DNAJC27: variants seen among roughly 807,000 people sequenced by gnomAD.
DNAJC27 encodes the protein dnaJ homolog subfamily C member 27.
In DNAJC27, 25 loss-of-function variants were observed where a neutral mutation model predicts 31.4. That is an observed-to-expected ratio of 0.80 (90% CI 0.58 to 1.11). The LOEUF (loss-of-function observed/expected upper bound fraction) is 1.11. DNAJC27 is among the 50% of genes most tolerant of loss of function. The pLI, the probability that DNAJC27 is intolerant of heterozygous loss-of-function variation, is 0.00. For missense variants in DNAJC27, 356 were observed against 347.3 expected, an observed-to-expected ratio of 1.02 and a Z score of -0.20; for synonymous variants, 106 against 112.7, an observed-to-expected ratio of 0.94 and a Z score of 0.37.
intron 2 of DNAJC27, 117 bp from the exon 3 acceptor site, chr2:24,963,591 C>A: frequency 1.4e-6 from 1 of 706,234 alleles, no homozygotes; most frequent in Non-Finnish European, 2.3e-6. Flanking sequence ...TTTCTTAGTG[C>A]CTCTTCCTCA....
At chr2:24,955,148 A>C (rs1665874524) in intron 5 of DNAJC27, among the ~76,000 whole-genome samples, 2 of 152,232 alleles carry the variant, frequency 1.3e-5, no homozygotes, top group South Asian at 4.1e-4. Flanking sequence ...AAGACTGTAA[A>C]ACAGCTATTA....
intron 1 of DNAJC27, chr2:24,971,554 A>C: frequency 3.2e-6 from 1 of 315,564 alleles, no homozygotes; most frequent in Non-Finnish European, 5.9e-6. Flanking sequence ...AGGCCTTCTT[A>C]CTCTTTTGGG....
chr2:24,956,054 T>C (rs1665896820), intron 5 of DNAJC27, among the ~76,000 whole-genome samples: 1 of 152,214 alleles, frequency 6.6e-6, no homozygotes, highest in Non-Finnish European at 1.5e-5. Flanking sequence ...TCAACTTTAT[T>C]TGATCTTGAA....
At chr2:24,963,169 TG>T (rs1666090973) in intron 3 of DNAJC27, 1 of 426,888 alleles carries the variant, frequency 2.3e-6, no homozygotes, top group Non-Finnish European at 4.2e-6. Context: ...AAAGTCAAAA[TG>T]TCTTATTGAA....
intron 1 of DNAJC27, 191 bp downstream of exon 1, chr2:24,971,627 G>A: frequency 2.0e-6 from 1 of 500,378 alleles, no homozygotes; most frequent in East Asian, 3.5e-5. Context: ...GTCGGAGGAC[G>A]AGGGGGCAAC....
rs1436469269 is a variant in DNAJC27, at chr2:24,971,884, C to T, written c.21G>A (p.Lys7=). The T allele has an allele frequency of 1.2e-6, 2 of 1,605,988 alleles. No homozygotes were observed. The highest frequency in any genetic ancestry group is 1.7e-5 in the Admixed American group (1 of 59,130). Residue 7 remains lysine (K), a synonymous_variant, in exon 1 of 7, where the codon AAG becomes AAA. Transcript: ENST00000264711. The part of the protein sequence containing the change: MEANMP[K]RKEPGRSLRI... The stretch of plus-strand genomic sequence containing the variant: ...GGAGAGACCTGCCGGGCTCCTTCCG[C>T]TTCGGCATGTTGGCCTCCATGGCCC...
At chr2:24,957,544 T>C (rs750395896) in intron 4 of DNAJC27, among the ~76,000 whole-genome samples, 4 of 152,056 alleles carry the variant, frequency 2.6e-5, no homozygotes, top group Non-Finnish European at 5.9e-5. Flanking sequence ...GGTCAGAGTC[T>C]GATTATTAGG....
At chr2:24,956,538 T>A (rs1242562669) in intron 5 of DNAJC27, among the ~76,000 whole-genome samples, 1 of 152,196 alleles carries the variant, frequency 6.6e-6, no homozygotes, top group African/African-American at 2.4e-5. Context: ...GGCTACAATA[T>A]AGGATTATAC....
At chr2:24,962,521 G>A (rs935419763) in intron 3 of DNAJC27, among the ~76,000 whole-genome samples, 9 of 152,268 alleles carry the variant, frequency 5.9e-5, no homozygotes, top group Admixed American at 5.9e-4. Flanking sequence ...CTCCCAAAGT[G>A]CTGGGATTAC....
At chr2:24,958,763 G>A (rs11688776) in intron 3 of DNAJC27, among the ~76,000 whole-genome samples, 1 of 152,238 alleles carries the variant, frequency 6.6e-6, no homozygotes, top group East Asian at 1.9e-4. Flanking sequence ...TCCAAATGTG[G>A]GAAGAGGCAG....
chr2:24,961,231 C>G (rs944602308), intron 3 of DNAJC27, among the ~76,000 whole-genome samples: 1 of 152,178 alleles, frequency 6.6e-6, no homozygotes, highest in African/African-American at 2.4e-5. Flanking sequence ...TGGATGACAG[C>G]AGATCTGTTT....
intron 2 of DNAJC27, among the ~76,000 whole-genome samples, chr2:24,966,014 C>A (rs1469010460): frequency 3.3e-5 from 5 of 152,022 alleles, no homozygotes; most frequent in African/African-American, 1.2e-4. Context: ...CAAATAATAA[C>A]AATACAAGGC....
intron 5 of DNAJC27, 24 bp from the exon 6 acceptor site, chr2:24,951,578 G>A (rs368791973): frequency 1.3e-6 from 2 of 1,575,392 alleles, no homozygotes; most frequent in African/African-American, 2.7e-5. Flanking sequence ...ACATAACCCA[G>A]GGTAGAAATG....
At chr2:24,965,017 C>A (rs1248625162) in intron 2 of DNAJC27, among the ~76,000 whole-genome samples, 1 of 151,948 alleles carries the variant, frequency 6.6e-6, no homozygotes, top group Non-Finnish European at 1.5e-5. Context: ...ACCAGCCTGG[C>A]CAACATGGTG....
intron 4 of DNAJC27, 103 bp downstream of exon 4, chr2:24,957,707 C>T (rs945821284): frequency 9.1e-7 from 1 of 1,102,188 alleles, no homozygotes; most frequent in Admixed American, 2.3e-5. Flanking sequence ...TTATTGATTT[C>T]CATATTACAC....
At chr2:24,948,944 C>T (rs1420135121) in intron 6 of DNAJC27, among the ~76,000 whole-genome samples, 1 of 152,200 alleles carries the variant, frequency 6.6e-6, no homozygotes, top group Non-Finnish European at 1.5e-5. Context: ...TCTAATGTGG[C>T]TCTCCAAGTC....
At position 24,957,936 on chromosome 2, in the gene DNAJC27, T is replaced by C. The variant is rs1254638331; in HGVS notation, c.279A>G (p.Ile93Met). The C allele has an allele frequency of 6.2e-7, 1 of 1,614,024 alleles. No homozygotes were observed. Among genetic ancestry groups the C allele is most frequent in the East Asian group, 2.2e-5 (1 of 44,874 alleles). ...CTTTCTGCCCAACATCATAGACCAG[T>C]ATCACACCCTGTGTGTCCTTGTAAA... ...NEFYKDTQGV[I>M]LVYDVGQKDS... Residue 93 changes from isoleucine to methionine, a missense_variant, in exon 4 of 7, where the codon ATA becomes ATG. Coordinates refer to ENST00000264711, the MANE Select transcript of DNAJC27 (RefSeq NM_016544.3).
chr2:24,951,601 T>C (rs766892982), intron 5 of DNAJC27, 47 bp from the exon 6 acceptor site: 11 of 1,542,616 alleles, frequency 7.1e-6, no homozygotes, highest in South Asian at 6.1e-5. Context: ...TTTGTGAAAA[T>C]AGGAATTCCT....
At chr2:24,955,731 T>C (rs935551073) in intron 5 of DNAJC27, among the ~76,000 whole-genome samples, 35 of 152,344 alleles carry the variant, frequency 2.3e-4, no homozygotes, top group African/African-American at 8.2e-4. Context: ...GAATGAGTGC[T>C]AACATCTCAT....
Sources: allele counts gnomAD v4.1 joint callset (sites outside exome capture counted in the v4.1 genomes callset), GRCh38; gene constraint gnomAD v4.1.1; transcripts MANE v1.5; gene names NCBI Gene and HGNC (gene_info 2026-07-23, HGNC 2026-07-21).